The following TVP23C variants were observed in gnomAD, a reference collection of about 807,000 sequenced individuals.
TVP23C encodes Golgi apparatus membrane protein TVP23 homolog C.
TVP23C carries 19 observed loss-of-function variants against 28.7 expected under a neutral mutation model. The observed-to-expected ratio is 0.66, with a 90% CI of 0.46 to 0.97. The LOEUF (loss-of-function observed/expected upper bound fraction) is 0.97, where lower values mean the gene tolerates loss of function less well. TVP23C is among the 50% of genes least tolerant of loss of function. The pLI is 0.00. For synonymous variants in TVP23C, 68 were observed against 81.7 expected (o/e 0.83, Z 0.90); for missense variants, 186 against 241.3 (o/e 0.77, Z 1.52).
At chr17:15,511,498 G>A (rs1238483212) in intron 5 of TVP23C, among the ~76,000 whole-genome samples, 1 of 151,680 alleles carries the variant, frequency 6.6e-6, no homozygotes, top group African/African-American at 2.4e-5. Context: ...AGGTCCTAAA[G>A]AATTTGAATC....
chr17:15,527,670 C>G (rs1240624609), intron 5 of TVP23C, among the ~76,000 whole-genome samples: 1 of 152,148 alleles, frequency 6.6e-6, no homozygotes, highest in Non-Finnish European at 1.5e-5. Context: ...CAGCCTGCTG[C>G]TTCATCTGTA....
At chr17:15,521,606 G>C (rs1982483204) in intron 5 of TVP23C, among the ~76,000 whole-genome samples, 1 of 152,248 alleles carries the variant, frequency 6.6e-6, no homozygotes, top group African/African-American at 2.4e-5. Flanking sequence ...AGGCATGAAA[G>C]AGAACCACGT....
At chr17:15,507,197 C>G in intron 5 of TVP23C, 1 of 732,414 alleles carries the variant, frequency 1.4e-6, no homozygotes, top group Non-Finnish European at 2.5e-6. Context: ...CCTAATTTTT[C>G]ATCTGCACTG....
chr17:15,502,852 T>C (rs778459026), exon 6 of TVP23C: 4 of 1,564,272 alleles, frequency 2.6e-6, no homozygotes, highest in Non-Finnish European at 3.5e-6. Context: ...GCTTCAGATT[T>C]GTGGGTTGTT....
chr17:15,502,709 TTCTC>T (rs1330813236), exon 6 of TVP23C: 8 of 1,199,214 alleles, frequency 6.7e-6, no homozygotes, highest in East Asian at 5.7e-5. Context: ...CGTTCGTTCT[TTCTC>T]TCTCTCCTCT....
At chr17:15,520,236 C>T (rs1254571302) in intron 5 of TVP23C, among the ~76,000 whole-genome samples, 1 of 151,332 alleles carries the variant, frequency 6.6e-6, no homozygotes, top group African/African-American at 2.4e-5. Flanking sequence ...ACAAACAACC[C>T]CTGCTCAACA....
At chr17:15,515,592 G>A (rs762126731) in intron 5 of TVP23C, among the ~76,000 whole-genome samples, 4 of 152,168 alleles carry the variant, frequency 2.6e-5, no homozygotes, top group Non-Finnish European at 4.4e-5. Flanking sequence ...TACGGGTATC[G>A]TTATAAATTG....
At chr17:15,562,278 A>G (rs7216061) in intron 1 of TVP23C, 10,871 of 152,194 alleles carry the variant, frequency 0.071, 728 homozygotes, top group African/African-American at 0.22. Flanking sequence ...GATGGAGTGC[A>G]GTGGCCCGCG....
intron 1 of TVP23C, among the ~76,000 whole-genome samples, chr17:15,561,533 A>G (rs1984387546): frequency 6.6e-6 from 1 of 151,802 alleles, no homozygotes; most frequent in Admixed American, 6.6e-5. Flanking sequence ...CGGGAGACGG[A>G]GGTTGCAGTG....
At chr17:15,526,069 T>C (rs971950523) in intron 5 of TVP23C, among the ~76,000 whole-genome samples, 2 of 152,230 alleles carry the variant, frequency 1.3e-5, no homozygotes, top group Admixed American at 6.5e-5. Flanking sequence ...GTATGCCCTT[T>C]ACCCGCTGCC....
intron 5 of TVP23C, among the ~76,000 whole-genome samples, chr17:15,510,045 T>TA (rs1300234982): frequency 6.6e-6 from 1 of 152,312 alleles, no homozygotes; most frequent in East Asian, 1.9e-4. Context: ...TTGACTTTTT[T>TA]AAAAAAACAG....
At chr17:15,508,167 G>A (rs1244461828) in intron 5 of TVP23C, among the ~76,000 whole-genome samples, 1 of 152,156 alleles carries the variant, frequency 6.6e-6, no homozygotes, top group Non-Finnish European at 1.5e-5. Flanking sequence ...GCATCCCTAG[G>A]AGGTACTCCT....
chr17:15,543,126 G>A (rs1394603019), intron 5 of TVP23C, among the ~76,000 whole-genome samples: 4 of 150,202 alleles, frequency 2.7e-5, no homozygotes, highest in Non-Finnish European at 4.4e-5. Context: ...GGAAGAGAAC[G>A]CAAAACCAGG....
intron 5 of TVP23C, among the ~76,000 whole-genome samples, chr17:15,530,468 AT>A (rs936711851): frequency 2.6e-5 from 4 of 152,302 alleles, no homozygotes; most frequent in African/African-American, 9.6e-5. Flanking sequence ...TACAAATTGC[AT>A]CTTTTATAAG....
At chr17:15,560,070 C>CT (rs1050031207) in intron 1 of TVP23C, among the ~76,000 whole-genome samples, 4 of 147,608 alleles carry the variant, frequency 2.7e-5, no homozygotes, top group African/African-American at 9.8e-5. Context: ...ATTTTTTTTT[C>CT]TTTTTTTTGA....
chr17:15,503,320 G>A (rs1482814513), intron 5 of TVP23C: 6 of 1,415,862 alleles, frequency 4.2e-6, no homozygotes, highest in South Asian at 1.5e-5. Context: ...TGGGAGGATC[G>A]CTTCAGCCCA....
intron 5 of TVP23C, among the ~76,000 whole-genome samples, chr17:15,512,646 C>T (rs755288180): frequency 6.6e-6 from 1 of 152,218 alleles, no homozygotes; most frequent in Non-Finnish European, 1.5e-5. Flanking sequence ...TTGCTGGCTT[C>T]ACGAACATCA....
intron 1 of TVP23C, among the ~76,000 whole-genome samples, chr17:15,558,640 A>T (rs1447560462): frequency 6.8e-6 from 1 of 147,590 alleles, no homozygotes; most frequent in Non-Finnish European, 1.5e-5. Context: ...AGATTTGAAC[A>T]GGCTGTGCTG....
At chr17:15,551,124 T>TA (rs1290004816) in intron 3 of TVP23C, among the ~76,000 whole-genome samples, 5 of 151,796 alleles carry the variant, frequency 3.3e-5, no homozygotes, top group African/African-American at 1.2e-4. Context: ...CCATTATTGT[T>TA]TTTTTTTTTT....
Sources: allele counts gnomAD v4.1 joint callset (sites outside exome capture counted in the v4.1 genomes callset), GRCh38; gene constraint gnomAD v4.1.1; transcripts MANE v1.5; gene names NCBI Gene and HGNC (gene_info 2026-07-23, HGNC 2026-07-21).